The following RNF144A variants were observed in gnomAD, a reference collection of about 807,000 sequenced individuals.
The protein encoded by RNF144A is E3 ubiquitin-protein ligase RNF144A.
A neutral mutation model predicts 38.7 loss-of-function variants in RNF144A; 11 were observed. That is an observed-to-expected ratio of 0.28 (90% CI 0.18 to 0.47). The LOEUF (loss-of-function observed/expected upper bound fraction) is 0.47, where lower values mean the gene tolerates loss of function less well. RNF144A is among the 20% of genes least tolerant of loss of function. RNF144A has a pLI of 0.99. For missense variants in RNF144A, 316 were observed against 377.2 expected (o/e 0.84, Z 1.34); for synonymous variants, 149 against 143.9 (o/e 1.04, Z -0.25).
chr2:6,941,387 A>C lies in RNF144A; in HGVS notation c.-12+240A>C, dbSNP rs1488329013. Among the ~76,000 whole-genome samples the C allele has an allele frequency of 6.6e-6, 1 of 152,224 alleles. No individual in the cohort carries two copies. The highest frequency in any genetic ancestry group is 1.9e-4 in the East Asian group (1 of 5,200). ...ATACTTTGGAAAGATTTCCAGGTTT[A>C]TTCATTTGCTGCTTTTAACAATCCT... On this transcript the variant is annotated intron_variant, in intron 2 of 8. Transcript: ENST00000320892. The surrounding 1 kb of genome is among the most constrained non-coding windows in gnomAD (Gnocchi z 6.5).
chr2:6,993,646 G>C (rs1669539136), intron 2 of RNF144A, among the ~76,000 whole-genome samples: 1 of 152,172 alleles, frequency 6.6e-6, no homozygotes. Context: ...GTTCTCGGGT[G>C]ATGTCCAGGC....
In RNF144A at chr2:6,926,214, AG is replaced by A. The variant is rs1664855242; in HGVS notation, c.-212+8597del. Reference sequence around the variant, plus strand: ...TCTGTGTTGAAGGCAGTGAGAGAGGAGGGGGAGTTGGTGTCAGCTGCATCTG... The same window carrying A: ...TCTGTGTTGAAGGCAGTGAGAGAGGAGGGGAGTTGGTGTCAGCTGCATCTG... On this transcript the variant is annotated intron_variant, in intron 1 of 8. Transcript: ENST00000320892. Among the ~76,000 whole-genome samples, 3 of 152,232 alleles carry A rather than the reference AG, an allele frequency of 2.0e-5. No individual in the cohort carries two copies. In the South Asian group the frequency reaches 6.2e-4, roughly 32 times the overall value.
chr2:6,948,255 G>A (rs758261507), intron 2 of RNF144A, among the ~76,000 whole-genome samples: 3 of 152,220 alleles, frequency 2.0e-5, no homozygotes, highest in Non-Finnish European at 4.4e-5. Flanking sequence ...GCTGAGGGAT[G>A]TCTTCTGTCA....
intron 2 of RNF144A, among the ~76,000 whole-genome samples, chr2:6,950,825 A>G (rs1294186234): frequency 6.6e-6 from 1 of 152,210 alleles, no homozygotes; most frequent in Admixed American, 6.5e-5. Context: ...CCACTGTAAA[A>G]TGACTGCTCG....
In RNF144A at chr2:6,962,797, G is replaced by C. The variant is rs564555666; in HGVS notation, c.-12+21650G>C. 2.6e-5 allele frequency among the ~76,000 whole-genome samples: 4 copies of C among 152,302 alleles called. No individual in the cohort carries two copies. The highest frequency in any genetic ancestry group is 9.6e-5 in the African/African-American group (4 of 41,556). The stretch of plus-strand genomic sequence containing the variant: ...ATACCTTTTCCATTACTGAGCACAG[G>C]CATTCATGCACAGAAGGTCCTCAGT... On this transcript the variant is annotated intron_variant, in intron 2 of 8. Transcript: ENST00000320892. This position sits in a 1 kb window ranked among gnomAD's most constrained non-coding sequence, Gnocchi z 4.1.
chr2:6,950,409 C>T (rs1427200003), intron 2 of RNF144A, among the ~76,000 whole-genome samples: 6 of 152,078 alleles, frequency 3.9e-5, no homozygotes, highest in Non-Finnish European at 7.4e-5. Flanking sequence ...ATAATGTTGG[C>T]GTCGATTTCT....
chr2:6,922,022 A>T (rs1053267649), intron 1 of RNF144A, among the ~76,000 whole-genome samples: 1 of 151,994 alleles, frequency 6.6e-6, no homozygotes, highest in African/African-American at 2.4e-5. Context: ...CATTACTGGC[A>T]TCTCCTGGAA....
chr2:7,064,009 A>T (rs1674087777), intron 6 of RNF144A, among the ~76,000 whole-genome samples: 1 of 152,224 alleles, frequency 6.6e-6, no homozygotes, highest in South Asian at 2.1e-4. Context: ...TGGAAGGCAG[A>T]AGTGAAATGT....
rs115212491 is a variant in RNF144A at position 6,937,035 on chromosome 2, T to C, written c.-211-3913T>C. Among the ~76,000 whole-genome samples the C allele has an allele frequency of 1.5e-3, 234 of 152,292 alleles. 1 individual carries two copies. The highest frequency in any genetic ancestry group is 4.9e-3 in the African/African-American group (204 of 41,564). Reference sequence around the variant, plus strand: ...TGAGTGCGTGAACATTTACTACAGATATTTCTGCTAAAACCCAGTACGTAC... The same window carrying C: ...TGAGTGCGTGAACATTTACTACAGACATTTCTGCTAAAACCCAGTACGTAC... On this transcript the variant is annotated intron_variant, in intron 1 of 8. Transcript: ENST00000320892.
At position 6,941,670 on chromosome 2, in the gene RNF144A, GA is replaced by G. The variant is rs1444486889; in HGVS notation, c.-12+528del. 1.3e-5 allele frequency among the ~76,000 whole-genome samples: 2 copies of G among 152,268 alleles called. No individual in the cohort carries two copies. The highest frequency in any genetic ancestry group is 4.8e-5 in the African/African-American group (2 of 41,472). The stretch of plus-strand genomic sequence containing the variant: ...CAAGGCCTAGATATTGTAGAGAAAA[GA>G]AAAAGTAGACCATGTCTAGTACGAC... On this transcript the variant is annotated intron_variant, in intron 2 of 8. Coordinates refer to ENST00000320892, the MANE Select transcript of RNF144A (RefSeq NM_014746.6). The surrounding 1 kb of genome is among the most constrained non-coding windows in gnomAD (Gnocchi z 6.5).
intron 2 of RNF144A, among the ~76,000 whole-genome samples, chr2:6,971,236 G>T (rs573787858): frequency 2.0e-5 from 3 of 152,230 alleles, no homozygotes; most frequent in Admixed American, 6.5e-5. Flanking sequence ...CTCTTGGGAC[G>T]GGTGTGCTGC....
chr2:7,032,882 A>G (rs1672418546), intron 8 of RNF144A, among the ~76,000 whole-genome samples: 1 of 152,214 alleles, frequency 6.6e-6, no homozygotes, highest in Non-Finnish European at 1.5e-5. Flanking sequence ...GCAGCATAGA[A>G]ACTGCCAGGA....
intron 6 of RNF144A, among the ~76,000 whole-genome samples, chr2:7,050,277 G>T (rs924025217): frequency 6.6e-6 from 1 of 152,162 alleles, no homozygotes; most frequent in Non-Finnish European, 1.5e-5. Context: ...ATAAGTCTCA[G>T]GAGATCTTAT....
intron 7 of RNF144A, among the ~76,000 whole-genome samples, chr2:7,025,396 A>G (rs574788786): frequency 2.6e-5 from 4 of 152,334 alleles, no homozygotes; most frequent in African/African-American, 9.6e-5. Flanking sequence ...TAATTAGGCC[A>G]GCCTCGGTGG....
intron 2 of RNF144A, among the ~76,000 whole-genome samples, chr2:6,987,932 T>G (rs1377120924): frequency 6.6e-6 from 1 of 152,232 alleles, no homozygotes; most frequent in Non-Finnish European, 1.5e-5. Flanking sequence ...TATGGGCTCC[T>G]TGGGCCCTTC....
chr2:6,932,034 A>C (rs1273068960), intron 1 of RNF144A, among the ~76,000 whole-genome samples: 3 of 152,160 alleles, frequency 2.0e-5, no homozygotes, highest in Non-Finnish European at 4.4e-5. Context: ...AGCTATTAGT[A>C]GTGGATTTGT....
chr2:6,941,216 C>T lies in RNF144A; in HGVS notation c.-12+69C>T, dbSNP rs1665951158. 6.6e-6 allele frequency: 1 copy of T among 152,174 alleles called. No individual in the cohort carries two copies. 9.4% of individuals were successfully genotyped at this position (152,174 alleles called of 1,614,324 possible). ...ATCTCTTCTTAGTGGAATCTCAGGCCATTGTTGGAAAAGATAGTAGGCCTG... is the reference window on the plus strand; with the variant it reads ...ATCTCTTCTTAGTGGAATCTCAGGCTATTGTTGGAAAAGATAGTAGGCCTG... On this transcript the variant is annotated intron_variant, in intron 2 of 8. Transcript: ENST00000320892. This position sits in a 1 kb window ranked among gnomAD's most constrained non-coding sequence, Gnocchi z 6.5.
At chr2:6,989,045 G>C (rs1669167383) in intron 2 of RNF144A, among the ~76,000 whole-genome samples, 1 of 152,130 alleles carries the variant, frequency 6.6e-6, no homozygotes, top group Non-Finnish European at 1.5e-5. Context: ...TTTGTCCAGT[G>C]AACCCTAGTT....
chr2:7,073,983 C>A, the RNF144A span, among the ~76,000 whole-genome samples: 2 of 152,214 alleles, frequency 1.3e-5, no homozygotes, highest in Non-Finnish European at 2.9e-5. Flanking sequence ...GTTTATCATC[C>A]CCCTTACTTG....
Sources: gnomAD v4.1 joint callset for allele counts (sites outside exome capture counted in the v4.1 genomes callset) on GRCh38, gnomAD v4.1.1 for gene constraint, Gnocchi (gnomAD v3.1) non-coding constraint, MANE v1.5 for transcripts, NCBI Gene and HGNC (gene_info 2026-07-23, HGNC 2026-07-21) for gene names.